The following PASK variants were observed in gnomAD, a reference collection of about 807,000 sequenced individuals.
The protein encoded by PASK is PAS domain containing serine/threonine kinase, also known as PAS domain-containing serine/threonine-protein kinase.
PASK carries 110 observed loss-of-function variants against 121.0 expected under a neutral mutation model. The ratio of observed to expected loss-of-function variants is 0.91; its 90% CI spans 0.78 to 1.06. The LOEUF is 1.06. PASK is among the 50% of genes least tolerant of loss of function. PASK has a pLI of 0.00. For synonymous variants in PASK, 686 were observed against 717.8 expected (o/e 0.96, Z 0.71); for missense variants, 1,643 against 1,702.3 (o/e 0.97, Z 0.61).
At chr2:241,116,576 G>C (rs779362682) in intron 12 of PASK, among the ~76,000 whole-genome samples, 1 of 152,260 alleles carries the variant, frequency 6.6e-6, no homozygotes, top group Non-Finnish European at 1.5e-5. Flanking sequence ...ATCACTCTTA[G>C]ACATGTTTTC....
intron 12 of PASK, among the ~76,000 whole-genome samples, chr2:241,119,913 G>A (rs1438790743): frequency 1.3e-5 from 2 of 152,080 alleles, no homozygotes; most frequent in African/African-American, 2.4e-5. Context: ...CCCCACGGGT[G>A]GGGGAACATG....
chr2:241,115,619 AC>A (rs2065302705), intron 12 of PASK, among the ~76,000 whole-genome samples: 1 of 119,996 alleles, frequency 8.3e-6, no homozygotes, highest in African/African-American at 3.8e-5. Flanking sequence ...CACCAGGGAC[AC>A]CCAGTCCTCA....
chr2:241,116,472 C>T (rs1311662021), intron 12 of PASK, among the ~76,000 whole-genome samples: 1 of 152,200 alleles, frequency 6.6e-6, no homozygotes, highest in Non-Finnish European at 1.5e-5. Context: ...CGGAGAACAT[C>T]CACGTCACCC....
At chr2:241,118,145 G>A (rs1389321408) in intron 12 of PASK, among the ~76,000 whole-genome samples, 1 of 151,408 alleles carries the variant, frequency 6.6e-6, no homozygotes, top group Non-Finnish European at 1.5e-5. Context: ...TTGCAAAACT[G>A]ACAAGCTCAT....
intron 9 of PASK, among the ~76,000 whole-genome samples, chr2:241,130,169 C>T (rs1016508506): frequency 6.6e-6 from 1 of 152,234 alleles, no homozygotes; most frequent in Non-Finnish European, 1.5e-5. Flanking sequence ...CTTAGGGACA[C>T]ACCCCAAGTC....
chr2:241,114,701 A>G (rs1015042368), intron 14 of PASK: 2 of 1,316,672 alleles, frequency 1.5e-6, no homozygotes, highest in South Asian at 2.0e-5. Context: ...TGCCGCACAC[A>G]TGCCTTTGAG....
intron 9 of PASK, among the ~76,000 whole-genome samples, chr2:241,130,119 T>G (rs576703118): frequency 6.6e-6 from 1 of 152,350 alleles, no homozygotes; most frequent in African/African-American, 2.4e-5. Context: ...CCCTGTTCTG[T>G]CTTACTGTTT....
chr2:241,142,293 G>A (rs1250319103), intron 2 of PASK, among the ~76,000 whole-genome samples: 2 of 152,190 alleles, frequency 1.3e-5, no homozygotes, highest in African/African-American at 4.8e-5. Flanking sequence ...ACAGCCTGCT[G>A]TCTCCCCAAG....
intron 12 of PASK, among the ~76,000 whole-genome samples, chr2:241,117,575 A>G (rs2065429230): frequency 1.3e-5 from 2 of 152,284 alleles, no homozygotes; most frequent in Non-Finnish European, 2.9e-5. Flanking sequence ...TATTCAGATC[A>G]AAGTCTTACC....
At chr2:241,148,320 A>C (rs1575360848) in intron 1 of PASK, among the ~76,000 whole-genome samples, 1 of 152,198 alleles carries the variant, frequency 6.6e-6, no homozygotes, top group Admixed American at 6.5e-5. Flanking sequence ...CTCCCACCAG[A>C]ACATAAGCTA....
intron 9 of PASK, among the ~76,000 whole-genome samples, chr2:241,128,795 G>A (rs570652059): frequency 2.6e-5 from 4 of 151,970 alleles, no homozygotes; most frequent in Non-Finnish European, 5.9e-5. Flanking sequence ...GAGCACAGGA[G>A]TCTAGGCTGC....
chr2:241,122,508 G>A (rs550483426), intron 12 of PASK, among the ~76,000 whole-genome samples: 4 of 152,298 alleles, frequency 2.6e-5, no homozygotes, highest in South Asian at 4.1e-4. Flanking sequence ...TGGCCTGTTC[G>A]AGGTCTGAAT....
rs2302050 is a variant in PASK at position 241,122,747 on chromosome 2, C to T, written c.3057G>A (p.Lys1019=). Residue 1019 remains lysine, a synonymous_variant, in exon 12 of 18, where the codon AAG becomes AAA. Coordinates refer to ENST00000234040, the MANE Select transcript of PASK (RefSeq NM_015148.4). ...GCCAGGTTACCTCCTTGTTTTTTTC[C>T]TTGTCCACAGCAGTCCACACGAAGC... is the stretch of plus-strand genomic sequence containing the variant. The part of the protein sequence containing the change: ...AFGFVWTAVD[K]EKNKEVVVKF... 0.13 allele frequency: 202,043 copies of T among 1,613,762 alleles called. 20,381 individuals carry two copies. Among genetic ancestry groups the T allele is most frequent in the East Asian group, 0.44 (19,714 of 44,852 alleles).
At chr2:241,148,070 T>C (rs567125248) in intron 1 of PASK, among the ~76,000 whole-genome samples, 98 of 152,310 alleles carry the variant, frequency 6.4e-4, no homozygotes, top group Non-Finnish European at 1.2e-3. Context: ...ACTCAGACGT[T>C]AACCAGAAAT....
chr2:241,138,529 G>T, intron 5 of PASK, 125 bp downstream of exon 5: 2 of 1,153,474 alleles, frequency 1.7e-6, no homozygotes, highest in Non-Finnish European at 2.6e-6. Flanking sequence ...CCACTGGGCA[G>T]ACCCTCCAGG....
Position 241,142,890 on chromosome 2 carries a change from A to C in PASK, c.143T>G (p.Leu48Arg), listed in dbSNP as rs1416345788. ...TCTGGAAAGCCCATTCCTTCTGCTC[A>C]GGTGTCTGTGGGCTGAGGAAAACGA... is the stretch of plus-strand genomic sequence containing the variant. ...SRSFSSAHRH[L>R]SRRNGLSRLC... The change falls in exon 2 of 18, where the codon CTG becomes CGG. Residue 48 changes from leucine to arginine, a missense_variant. Transcript: ENST00000234040. 6.2e-7 allele frequency: 1 copy of C among 1,613,972 alleles called. No homozygotes were observed. Among genetic ancestry groups the C allele is most frequent in the African/African-American group, 1.3e-5 (1 of 74,934 alleles).
chr2:241,129,874 G>A (rs780588608), intron 9 of PASK, among the ~76,000 whole-genome samples: 5 of 152,158 alleles, frequency 3.3e-5, no homozygotes, highest in Non-Finnish European at 5.9e-5. Flanking sequence ...CCTGACCCCC[G>A]TGGAGACCCG....
Position 241,115,082 on chromosome 2 carries a change from G to C in PASK, c.3294C>G (p.Pro1098=), listed in dbSNP as rs963163505. The stretch of plus-strand genomic sequence containing the variant: ...AGCTCGCCAGGGGCTCATCCAGCCT[G>C]GGGTGGCGGTCGATGAAAGCGAAGA... The part of the protein sequence containing the change: ...LDLFAFIDRH[P]RLDEPLASYI... Residue 1098 remains proline, a synonymous_variant, in exon 14 of 18, where the codon CCC becomes CCG. Transcript: ENST00000234040. 4.3e-6 allele frequency: 7 copies of C among 1,614,024 alleles called. No individual in the cohort carries two copies. The highest frequency in any genetic ancestry group is 2.7e-5 in the African/African-American group (2 of 74,920).
upstream of PASK, chr2:241,150,021 C>G: frequency 7.2e-7 from 1 of 1,390,318 alleles, no homozygotes; most frequent in Non-Finnish European, 9.3e-7. Context: ...GCCCATTGTA[C>G]AGACGCAGCC....
Sources: gnomAD v4.1 joint callset for allele counts (sites outside exome capture counted in the v4.1 genomes callset) on GRCh38, gnomAD v4.1.1 for gene constraint, MANE v1.5 for transcripts, NCBI Gene and HGNC (gene_info 2026-07-23, HGNC 2026-07-21) for gene names.